The following MTFR1 variants were observed in gnomAD, a reference collection of about 807,000 sequenced individuals.
MTFR1 encodes chondrocyte protein with a poly-proline region.
MTFR1 carries 28 observed loss-of-function variants against 38.8 expected under a neutral mutation model. The ratio of observed to expected loss-of-function variants is 0.72; its 90% CI spans 0.53 to 0.99. The LOEUF (loss-of-function observed/expected upper bound fraction) is 0.99. Among genes scored for constraint, MTFR1 ranks in the 50% least tolerant of loss-of-function variants. MTFR1 has a pLI of 0.00. For synonymous variants in MTFR1, 145 were observed against 137.0 expected, an observed-to-expected ratio of 1.06 and a Z score of -0.41; for missense variants, 358 against 395.5, an observed-to-expected ratio of 0.91 and a Z score of 0.81.
intron 4 of MTFR1, among the ~76,000 whole-genome samples, chr8:65,695,545 C>T (rs535066120): frequency 8.5e-5 from 13 of 152,110 alleles, no homozygotes; most frequent in African/African-American, 1.4e-4. Flanking sequence ...TTAGTAGAGA[C>T]GGGGTTTCAC....
chr8:65,683,819 C>T (rs1471553834), intron 3 of MTFR1, among the ~76,000 whole-genome samples: 1 of 152,080 alleles, frequency 6.6e-6, no homozygotes, highest in Admixed American at 6.6e-5. Flanking sequence ...GCCACTGCAC[C>T]CGGCTGCCTT....
At chr8:65,668,028 T>G (rs75336426) in intron 1 of MTFR1, among the ~76,000 whole-genome samples, 3,293 of 152,224 alleles carry the variant, frequency 0.022, 119 homozygotes, top group African/African-American at 0.074. Context: ...TATTCTCTGT[T>G]GTTATCTATA....
intron 7 of MTFR1, 105 bp from the exon 8 acceptor site, chr8:65,708,871 C>G (rs1179453179): frequency 1.8e-6 from 2 of 1,107,472 alleles, no homozygotes; most frequent in East Asian, 4.7e-5. Context: ...CTTGGTTTTT[C>G]ATGCAGAACA....
intron 3 of MTFR1, among the ~76,000 whole-genome samples, chr8:65,720,896 CTG>C (rs1806348324): frequency 6.6e-6 from 1 of 152,206 alleles, no homozygotes; most frequent in African/African-American, 2.4e-5. Flanking sequence ...TCATAAGCCA[CTG>C]GAGTTATCTA....
intron 7 of MTFR1, 138 bp downstream of exon 7, chr8:65,708,149 C>T (rs1304429898): frequency 5.2e-6 from 8 of 1,552,694 alleles, no homozygotes; most frequent in Non-Finnish European, 6.1e-6. Context: ...CCCTGCCTTA[C>T]AAGTAGATCA....
intron 3 of MTFR1, chr8:65,723,166 T>G (rs1806456526): frequency 6.4e-6 from 1 of 155,128 alleles, no homozygotes. Flanking sequence ...TCAGGCTCAG[T>G]GGGTCACCAC....
At chr8:65,750,210 C>T (rs1170592516) in intron 3 of MTFR1, among the ~76,000 whole-genome samples, 1 of 152,066 alleles carries the variant, frequency 6.6e-6, no homozygotes, top group Non-Finnish European at 1.5e-5. Context: ...TCCTTAGAAA[C>T]CAAGGTAAAA....
intron 3 of MTFR1, among the ~76,000 whole-genome samples, chr8:65,741,142 T>C (rs1420274501): frequency 1.3e-5 from 2 of 152,212 alleles, no homozygotes; most frequent in Non-Finnish European, 2.9e-5. Flanking sequence ...TAAACTTCCA[T>C]AGGACACATA....
At chr8:65,772,055 A>T (rs1052359618), downstream of MTFR1, among the ~76,000 whole-genome samples, 7 of 152,278 alleles carry the variant, frequency 4.6e-5, no homozygotes, top group African/African-American at 1.7e-4. Flanking sequence ...AGAATAGGCT[A>T]TGTAAGCATA....
chr8:65,730,171 C>CT lies in MTFR1; in HGVS notation c.*48+10716dup, dbSNP rs1179431555. The stretch of plus-strand genomic sequence containing the variant: ...TGTGAGGGATCCAGGTTGCGCACTT[C>CT]TTTTTTTTTTTTTTTTTTTTTTTTT... On this transcript the variant is annotated intron_variant, in intron 3 of 3. Transcript: ENST00000521247. Among the ~76,000 whole-genome samples the CT allele has an allele frequency of 9.6e-4, 83 of 86,438 alleles. 8 individuals carry two copies. In the East Asian group the frequency reaches 0.012, roughly 12 times the overall value. The allele number at this position is 86,438 out of a possible 152,430, so 56.7% of individuals were successfully genotyped here.
chr8:65,770,638 T>C (rs1035339071), intron 3 of MTFR1, among the ~76,000 whole-genome samples: 3 of 152,220 alleles, frequency 2.0e-5, no homozygotes, highest in Non-Finnish European at 2.9e-5. Flanking sequence ...TACATGTTCC[T>C]ATTATAAACA....
chr8:65,661,316 G>A (rs1446366884), intron 1 of MTFR1, among the ~76,000 whole-genome samples: 1 of 152,198 alleles, frequency 6.6e-6, no homozygotes, highest in African/African-American at 2.4e-5. Context: ...TAAGAAATCT[G>A]TACTTTCTAC....
intron 4 of MTFR1, among the ~76,000 whole-genome samples, chr8:65,698,280 C>T (rs1033722671): frequency 2.0e-5 from 3 of 151,688 alleles, no homozygotes; most frequent in African/African-American, 7.3e-5. Flanking sequence ...TCCTAAGTAG[C>T]TGGGGTTACA....
Position 65,704,795 on chromosome 8 carries a change from C to T in MTFR1, c.383C>T (p.Pro128Leu). The T allele has an allele frequency of 6.2e-7, 1 of 1,614,086 alleles. No homozygotes were observed. The change falls in exon 5 of 8, where the codon CCT becomes CTT. Residue 128 changes from proline to leucine, a missense_variant. Physicochemically the swap from Pro to Leu is moderately conservative, Grantham distance 98. Transcript: ENST00000262146. ...TTACCAGACTTGTCTCAAGAAGAGC[C>T]TCAGCTGAAGACCCCAGCGCTGGCA... ...ISLPDLSQEE[P>L]QLKTPALANE... is the part of the protein sequence containing the mutation.
At chr8:65,763,321 T>C (rs777998403) in intron 3 of MTFR1, among the ~76,000 whole-genome samples, 4 of 152,044 alleles carry the variant, frequency 2.6e-5, no homozygotes, top group Non-Finnish European at 5.9e-5. Context: ...ATCCCAGCAC[T>C]TTGGGAGGCT....
At chr8:65,710,835 C>T (rs972176089), downstream of MTFR1, among the ~76,000 whole-genome samples, 1 of 152,084 alleles carries the variant, frequency 6.6e-6, no homozygotes, top group African/African-American at 2.4e-5. Context: ...TCTCCCACAC[C>T]CACGTCATTC....
At chr8:65,744,256 A>C (rs1007108888) in intron 3 of MTFR1, among the ~76,000 whole-genome samples, 1 of 152,228 alleles carries the variant, frequency 6.6e-6, no homozygotes, top group Non-Finnish European at 1.5e-5. Context: ...AACAGGCATG[A>C]AGGAACTTTT....
intron 4 of MTFR1, among the ~76,000 whole-genome samples, chr8:65,701,790 C>T (rs1805617335): frequency 6.6e-6 from 1 of 151,998 alleles, no homozygotes; most frequent in East Asian, 1.9e-4. Flanking sequence ...TAGAGGGTGA[C>T]AGAGTAGCAA....
At chr8:65,726,993 C>T (rs1389578210) in intron 3 of MTFR1, 3 of 1,241,808 alleles carry the variant, frequency 2.4e-6, no homozygotes, top group Admixed American at 1.7e-5. Context: ...TTCTGAGTTA[C>T]TTAATGATAC....
Sources: allele counts gnomAD v4.1 joint callset (sites outside exome capture counted in the v4.1 genomes callset), GRCh38; gene constraint gnomAD v4.1.1; transcripts MANE v1.5; gene names NCBI Gene and HGNC (gene_info 2026-07-23, HGNC 2026-07-21).